Variants in CPN1 observed in about 807,000 individuals in gnomAD.
CPN1 encodes the protein carboxypeptidase N subunit 1.
Under a neutral mutation model 46.4 loss-of-function variants are expected in CPN1, and 37 were observed. The observed-to-expected ratio is 0.80, with a 90% CI of 0.61 to 1.05. The LOEUF (loss-of-function observed/expected upper bound fraction) is 1.05, where lower values mean the gene tolerates loss of function less well. Among genes scored for constraint, CPN1 ranks in the 50% least tolerant of loss-of-function variants. The pLI is 0.00. For missense variants in CPN1, 563 were observed against 602.6 expected (o/e 0.93, Z 0.69); for synonymous variants, 224 against 235.4 (o/e 0.95, Z 0.44).
At chr10:100,058,199 C>A (rs2041396276) in intron 5 of CPN1, among the ~76,000 whole-genome samples, 1 of 152,014 alleles carries the variant, frequency 6.6e-6, no homozygotes, top group Admixed American at 6.6e-5. Flanking sequence ...GACTGAATTT[C>A]ACTTCTTGTC....
intron 2 of CPN1, among the ~76,000 whole-genome samples, chr10:100,074,010 C>T (rs772334668): frequency 2.0e-5 from 3 of 151,052 alleles, no homozygotes; most frequent in Admixed American, 6.7e-5. Flanking sequence ...AAAGGACCCT[C>T]GTAATTGATT....
At chr10:100,049,252 C>T (rs996450149) in intron 7 of CPN1, among the ~76,000 whole-genome samples, 14 of 147,228 alleles carry the variant, frequency 9.5e-5, no homozygotes, top group Non-Finnish European at 1.9e-4. Context: ...CCGCTGAGCC[C>T]GTTGGCTTTT....
chr10:100,053,304 T>C (rs2041366146), intron 7 of CPN1, among the ~76,000 whole-genome samples: 1 of 152,132 alleles, frequency 6.6e-6, no homozygotes, highest in African/African-American at 2.4e-5. Context: ...TGGTAATAAA[T>C]GTTAGTGTAG....
Position 100,075,970 on chromosome 10 carries a change from T to A in CPN1, c.361A>T (p.Thr121Ser). 6.2e-7 allele frequency: 1 copy of A among 1,614,154 alleles called. No individual in the cohort carries two copies. Among genetic ancestry groups the A allele is most frequent in the Non-Finnish European group, 8.5e-7 (1 of 1,180,036 alleles). ...ATGGATGGCAGGATGTGAATGCGCG[T>A]GTCCTGGATGAGCTGGACGATGCGC... ...NQRIVQLIQDTRIHILPSMNP... is the reference protein window; with the variant it reads ...NQRIVQLIQDSRIHILPSMNP... The change falls in exon 2 of 9, where the codon ACG becomes TCG. Residue 121 changes from threonine (T) to serine (S), a missense_variant. Physicochemically the swap from Thr to Ser is moderately conservative, Grantham distance 58. Transcript: ENST00000370418.
chr10:100,053,372 C>G (rs1298042428), intron 7 of CPN1, among the ~76,000 whole-genome samples: 1 of 152,108 alleles, frequency 6.6e-6, no homozygotes, highest in African/African-American at 2.4e-5. Flanking sequence ...GGTGTGGTGG[C>G]TCACACCTGT....
At chr10:100,053,960 CA>C (rs1589472140) in intron 7 of CPN1, among the ~76,000 whole-genome samples, 1 of 152,076 alleles carries the variant, frequency 6.6e-6, no homozygotes, top group East Asian at 1.9e-4. Context: ...ATCTGTTTCA[CA>C]GTCCTCTTTC....
chr10:100,056,598 T>C (rs2041385697), intron 6 of CPN1, among the ~76,000 whole-genome samples: 1 of 152,030 alleles, frequency 6.6e-6, no homozygotes, highest in African/African-American at 2.4e-5. Flanking sequence ...CAGGCTGGAG[T>C]GCAATGGCAT....
At chr10:100,059,696 T>C (rs1168042362) in intron 5 of CPN1, among the ~76,000 whole-genome samples, 2 of 151,138 alleles carry the variant, frequency 1.3e-5, no homozygotes, top group Non-Finnish European at 1.5e-5. Flanking sequence ...CTCAAAAAAA[T>C]TAAAAATAGA....
chr10:100,065,932 AGG>A (rs774630164), intron 3 of CPN1, among the ~76,000 whole-genome samples: 4 of 151,754 alleles, frequency 2.6e-5, no homozygotes, highest in Non-Finnish European at 5.9e-5. Flanking sequence ...TGAGAGAGAA[AGG>A]GAGAGAGAGA....
intron 5 of CPN1, among the ~76,000 whole-genome samples, chr10:100,062,775 T>C (rs1255803957): frequency 6.6e-6 from 1 of 151,570 alleles, no homozygotes; most frequent in East Asian, 1.9e-4. Context: ...TCTTTTTTTT[T>C]TTTTTGGTAG....
intron 5 of CPN1, among the ~76,000 whole-genome samples, chr10:100,060,040 C>G (rs911067556): frequency 6.6e-6 from 1 of 151,976 alleles, no homozygotes; most frequent in Non-Finnish European, 1.5e-5. Flanking sequence ...TTAGAGCAGT[C>G]AAAATCATAA....
intron 5 of CPN1, among the ~76,000 whole-genome samples, chr10:100,058,733 A>G (rs550765601): frequency 1.3e-5 from 2 of 152,172 alleles, no homozygotes; most frequent in Non-Finnish European, 2.9e-5. Flanking sequence ...ATAATCTTGA[A>G]AAAGAAGAAC....
intron 3 of CPN1, among the ~76,000 whole-genome samples, chr10:100,066,560 C>T (rs2041455788): frequency 6.6e-6 from 1 of 152,190 alleles, no homozygotes. Context: ...AGTGAAATTC[C>T]ACCTTTCTAT....
rs1367351611 is a variant in CPN1 at position 100,081,493 on chromosome 10, T to G, written c.133A>C (p.Ile45Leu). The G allele has an allele frequency of 6.2e-7, 1 of 1,614,184 alleles. No individual in the cohort carries two copies. Among genetic ancestry groups the G allele is most frequent in the South Asian group, 1.1e-5 (1 of 91,088 alleles). The change falls in exon 1 of 9, where the codon ATC becomes CTC. Residue 45 changes from isoleucine (I) to leucine (L), a missense_variant. By Grantham distance (5) the Ile-to-Leu change is conservative (BLOSUM62 2). Coordinates refer to ENST00000370418, the MANE Select transcript of CPN1 (RefSeq NM_001308.3). ...LYKVQNECPG[I>L]TRVYSIGRSV... ...CGCCCAATGCTGTAGACCCGCGTGA[T>G]GCCGGGGCATTCGTTTTGCACCTTG... is the stretch of plus-strand genomic sequence containing the variant.
At chr10:100,048,650 A>T in intron 8 of CPN1, 108 bp downstream of exon 8, 1 of 844,980 alleles carries the variant, frequency 1.2e-6, no homozygotes, top group Admixed American at 1.7e-5. Flanking sequence ...AGTGAGCCAC[A>T]GTGGTGCCAC....
chr10:100,076,951 G>A (rs2041518709), intron 1 of CPN1, among the ~76,000 whole-genome samples: 2 of 152,300 alleles, frequency 1.3e-5, no homozygotes, highest in East Asian at 3.9e-4. Context: ...TGTTCAACTT[G>A]AGGTAAGAAT....
chr10:100,050,019 G>A (rs1156696519), intron 7 of CPN1, among the ~76,000 whole-genome samples: 1 of 152,136 alleles, frequency 6.6e-6, no homozygotes, highest in Non-Finnish European at 1.5e-5. Context: ...GAGAAGTATG[G>A]GTTTAAGTTG....
intron 2 of CPN1, among the ~76,000 whole-genome samples, chr10:100,072,925 G>T (rs1181207538): frequency 1.3e-5 from 2 of 152,216 alleles, no homozygotes; most frequent in Non-Finnish European, 2.9e-5. Flanking sequence ...TGCCAACTGG[G>T]TCCCTGTAGA....
chr10:100,080,598 A>G (rs548201959), intron 1 of CPN1, among the ~76,000 whole-genome samples: 81 of 152,296 alleles, frequency 5.3e-4, no homozygotes, highest in African/African-American at 1.9e-3. Flanking sequence ...GAAACAAACT[A>G]AAAAAAGGAA....
Sources: gnomAD v4.1 joint callset for allele counts (sites outside exome capture counted in the v4.1 genomes callset) on GRCh38, gnomAD v4.1.1 for gene constraint, MANE v1.5 for transcripts, NCBI Gene and HGNC (gene_info 2026-07-23, HGNC 2026-07-21) for gene names.